Variants in ACSF3 observed in about 807,000 individuals in gnomAD.
The protein encoded by ACSF3 is acyl-CoA synthetase family member 3.
Under a neutral mutation model 53.2 loss-of-function variants are expected in ACSF3, and 78 were observed. The observed-to-expected ratio is 1.47, with a 90% CI of 1.22 to 1.77. ACSF3 has a LOEUF of 1.77. Among genes scored for constraint, ACSF3 ranks in the 40% most tolerant of loss-of-function variants. The probability of loss-of-function intolerance (pLI) is 0.00; values close to 1 mark genes in which losing one functional copy is unlikely to be tolerated. For missense variants in ACSF3, 937 were observed against 771.1 expected, an observed-to-expected ratio of 1.22 and a Z score of -2.55; for synonymous variants, 414 against 333.1, an observed-to-expected ratio of 1.24 and a Z score of -2.65.
chr16:89,147,352 GGGGGAGGGGCCACAGAGTGAGT>G, intron 10 of ACSF3, among the ~76,000 whole-genome samples: 1 of 51,210 alleles, frequency 2.0e-5, no homozygotes, highest in African/African-American at 8.8e-5. Flanking sequence ...CAGAGTGAGC[GGGGGAGGGGCCACAGAGTGAGT>G]GAGGGAGGAG....
intron 10 of ACSF3, chr16:89,151,129 CG>C (rs1373693671): frequency 1.0e-6 from 1 of 993,604 alleles, no homozygotes; most frequent in Non-Finnish European, 1.4e-6. Context: ...GGCAGGATGG[CG>C]GCACGGAGGG....
Position 89,101,319 on chromosome 16 carries a change from T to C in ACSF3, c.638T>C (p.Leu213Pro), listed in dbSNP as rs997839400. The change falls in exon 3 of 11, where the codon CTG (leucine) becomes CCG (proline). Residue 213 changes from leucine to proline, a missense_variant. Transcript: ENST00000614302. ...SGTTGRPKGVLSTHQNIRAVV... is the reference protein window; with the variant it reads ...SGTTGRPKGVPSTHQNIRAVV... ...ACCACGGGGAGGCCCAAGGGCGTGC[T>C]GAGCACGCACCAAAACATCAGGGCT... 1.9e-6 allele frequency: 3 copies of C among 1,595,924 alleles called. No individual in the cohort carries two copies. Among genetic ancestry groups the C allele is most frequent in the Non-Finnish European group, 1.7e-6 (2 of 1,171,874 alleles).
chr16:89,136,387 C>T (rs1425176228), intron 8 of ACSF3, among the ~76,000 whole-genome samples: 1 of 152,178 alleles, frequency 6.6e-6, no homozygotes. Flanking sequence ...TTAATTGGCT[C>T]TCGGGGGTAA....
chr16:89,154,762 C>G lies in ACSF3; in HGVS notation c.*555C>G. On this transcript the variant is annotated 3_prime_UTR_variant, in exon 11 of 11. Coordinates refer to ENST00000614302, the MANE Select transcript of ACSF3 (RefSeq NM_001243279.3). ...GGGTTCCGTGCATTTCCTGGTGCTG[C>G]TCTTGGAGGAGAGCAGCTCCCACTG... 6.6e-6 allele frequency: 3 copies of G among 454,146 alleles called. No homozygotes were observed. The highest frequency in any genetic ancestry group is 1.3e-5 in the Non-Finnish European group (3 of 226,792). The allele number at this position is 454,146 out of a possible 1,614,324, so 28.1% of individuals were successfully genotyped here.
At chr16:89,109,492 A>G (rs1976434855) in intron 4 of ACSF3, among the ~76,000 whole-genome samples, 3 of 132,972 alleles carry the variant, frequency 2.3e-5, no homozygotes, top group Admixed American at 9.3e-5. Flanking sequence ...GCTCACTGCA[A>G]TCTCCGCCTC....
rs1374649482 is a variant in ACSF3 at position 89,153,939 on chromosome 16, G to A, written c.1614-151G>A. The A allele has an allele frequency of 6.8e-6, 5 of 734,396 alleles. No homozygotes were observed. The Admixed American group carries it at 1.1e-4, about 16-fold the overall frequency. The allele number at this position is 734,396 out of a possible 1,614,324, so 45.5% of individuals were successfully genotyped here. On this transcript the variant is annotated intron_variant, in intron 10 of 10. Transcript: ENST00000614302. ...CTGCTAGGGCAGAGACAGCTGCGGT[G>A]GCCCGGTGCACCTGCCTGGCCTCAG...
chr16:89,126,429 T>C lies in ACSF3; in HGVS notation c.1239+5516T>C, dbSNP rs532366368. On this transcript the variant is annotated intron_variant, in intron 7 of 10. Coordinates refer to ENST00000614302, the MANE Select transcript of ACSF3 (RefSeq NM_001243279.3). ...GATTACAGATGTGTGCCACCACACC[T>C]GGCTGATTGTTGTATTTTTAATAGA... 2.1e-4 allele frequency among the ~76,000 whole-genome samples: 32 copies of C among 152,272 alleles called. No homozygotes were observed. In the East Asian group the frequency reaches 5.4e-3, roughly 26 times the overall value.
intron 7 of ACSF3, among the ~76,000 whole-genome samples, chr16:89,130,072 G>A (rs534825497): frequency 6.6e-6 from 1 of 152,252 alleles, no homozygotes; most frequent in South Asian, 2.1e-4. Context: ...TGCTTTTCCT[G>A]TATTCCCAAT....
chr16:89,136,721 C>G, intron 8 of ACSF3: 1 of 1,287,288 alleles, frequency 7.8e-7, no homozygotes. Flanking sequence ...CCTGCCTCCC[C>G]CACCTGCCTC....
chr16:89,118,718 C>T (rs1312283258), intron 6 of ACSF3, among the ~76,000 whole-genome samples: 1 of 152,244 alleles, frequency 6.6e-6, no homozygotes, highest in East Asian at 1.9e-4. Context: ...GTGCTCACGG[C>T]TCCTGGGCCA....
chr16:89,131,127 C>CTTTTT lies in ACSF3; in HGVS notation c.1240-1989_1240-1985dup, dbSNP rs558773398. ...TTTCTTTCTTTTTCTTTTTCTTTTT[C>CTTTTT]TTTTTTTTTTTTTTTTTTTTTTTTG... is the stretch of plus-strand genomic sequence containing the variant. On this transcript the variant is annotated intron_variant, in intron 7 of 10. Transcript: ENST00000614302. Among the ~76,000 whole-genome samples the CTTTTT allele has an allele frequency of 1.3e-3, 89 of 69,546 alleles. 1 individual carries two copies. The highest frequency in any genetic ancestry group is 2.2e-3 in the Admixed American group (11 of 5,044). The allele number at this position is 69,546 out of a possible 152,430, so 45.6% of individuals were successfully genotyped here.
At chr16:89,151,239 C>T (rs1345326155) in intron 10 of ACSF3, 1 of 459,964 alleles carries the variant, frequency 2.2e-6, no homozygotes, top group Non-Finnish European at 4.3e-6. Flanking sequence ...ACAGACTGAA[C>T]AGTTCTGAGT....
intron 6 of ACSF3, among the ~76,000 whole-genome samples, chr16:89,117,432 C>G (rs1357060837): frequency 2.6e-5 from 4 of 152,146 alleles, no homozygotes; most frequent in Admixed American, 2.6e-4. Context: ...GGAACAGATA[C>G]AAGGCTGAGA....
In ACSF3 at chr16:89,094,013, C is replaced by G. The variant is rs1974314663; in HGVS notation, c.-194+17C>G. On this transcript the variant is annotated intron_variant, in intron 1 of 10. Transcript: ENST00000614302. ...GTCTCGTAGGTGCGGGCGGCGGGGC[C>G]CACGGGACCGCGGCGGGGTCGGCCG... The G allele has an allele frequency of 6.1e-6, 1 of 164,392 alleles. No homozygotes were observed. Among genetic ancestry groups the G allele is most frequent in the Non-Finnish European group, 1.3e-5 (1 of 76,940 alleles). The allele number at this position is 164,392 out of a possible 1,614,324, so 10.2% of individuals were successfully genotyped here.
chr16:89,131,466 C>T (rs184686809), intron 7 of ACSF3, among the ~76,000 whole-genome samples: 1 of 152,072 alleles, frequency 6.6e-6, no homozygotes, highest in Non-Finnish European at 1.5e-5. Context: ...ACTGTGTTGT[C>T]TCAGTGCTGT....
At chr16:89,109,301 A>T (rs1976404348) in intron 4 of ACSF3, among the ~76,000 whole-genome samples, 1 of 150,576 alleles carries the variant, frequency 6.6e-6, no homozygotes, top group Non-Finnish European at 1.5e-5. Flanking sequence ...GTGTTGCTGT[A>T]CGTTCTCATC....
In ACSF3 at chr16:89,154,776, C is replaced by A; in HGVS notation, c.*569C>A. 1 of 454,160 alleles carries A rather than the reference C, an allele frequency of 2.2e-6. No individual in the cohort carries two copies. Among genetic ancestry groups the A allele is most frequent in the South Asian group, 1.6e-5 (1 of 64,478 alleles). 28.1% of individuals were successfully genotyped at this position (454,160 alleles called of 1,614,324 possible). ...TCCTGGTGCTGCTCTTGGAGGAGAG[C>A]AGCTCCCACTGTGGGGACACCTGCC... On this transcript the variant is annotated 3_prime_UTR_variant, in exon 11 of 11. Coordinates refer to ENST00000614302, the MANE Select transcript of ACSF3 (RefSeq NM_001243279.3).
chr16:89,109,709 G>A (rs533823263), intron 4 of ACSF3, among the ~76,000 whole-genome samples: 13 of 152,138 alleles, frequency 8.5e-5, no homozygotes, highest in South Asian at 4.2e-4. Flanking sequence ...CGCCGCACCC[G>A]GCCAGATGTT....
intron 1 of ACSF3, among the ~76,000 whole-genome samples, chr16:89,096,828 C>G (rs1261449010): frequency 1.3e-5 from 2 of 152,226 alleles, no homozygotes; most frequent in Non-Finnish European, 2.9e-5. Flanking sequence ...CCCGTGGCCT[C>G]TCCTCATAGC....
Sources: allele counts gnomAD v4.1 joint callset (sites outside exome capture counted in the v4.1 genomes callset), GRCh38; gene constraint gnomAD v4.1.1; transcripts MANE v1.5; gene names NCBI Gene and HGNC (gene_info 2026-07-23, HGNC 2026-07-21).